The following CYP11B2 variants were observed in gnomAD, a reference collection of about 807,000 sequenced individuals.
The protein encoded by CYP11B2 is cytochrome P450 family 11 subfamily B member 2, also known as cytochrome P450 11B2, mitochondrial.
A neutral mutation model predicts 49.3 loss-of-function variants in CYP11B2; 38 were observed. The ratio of observed to expected loss-of-function variants is 0.77; its 90% confidence interval spans 0.59 to 1.01. The LOEUF (loss-of-function observed/expected upper bound fraction) is 1.01, where lower values mean the gene tolerates loss of function less well. CYP11B2 is among the 50% of genes least tolerant of loss of function. CYP11B2 has a pLI of 0.00. For missense variants in CYP11B2, 669 were observed against 655.5 expected, an observed-to-expected ratio of 1.02 and a Z score of -0.23; for synonymous variants, 290 against 269.3, an observed-to-expected ratio of 1.08 and a Z score of -0.75.
At position 142,913,365 on chromosome 8, in the gene CYP11B2, G is replaced by A. The variant is rs369251345; in HGVS notation, c.1041C>T (p.Ala347=). The part of the protein sequence containing the change: ...QQILRQESLA[A]AASISEHPQK... Reference sequence around the variant, plus strand: ...GGGGATGTTCACTGATGCTGGCTGCGGCGGCCAGGCTCTCCTGGCGCAGGA... The same window carrying A: ...GGGGATGTTCACTGATGCTGGCTGCAGCGGCCAGGCTCTCCTGGCGCAGGA... Residue 347 remains alanine, a synonymous_variant, in exon 6 of 9, where the codon GCC becomes GCT. Coordinates refer to ENST00000323110, the MANE Select transcript of CYP11B2 (RefSeq NM_000498.3). 3.2e-5 allele frequency: 52 copies of A among 1,613,940 alleles called. No homozygotes were observed. The African/African-American group carries it at 5.6e-4, about 17-fold the overall frequency.
chr8:142,915,220 G>C lies in CYP11B2; in HGVS notation c.421C>G (p.Arg141Gly). 1 of 1,613,802 alleles carries C rather than the reference G, an allele frequency of 6.2e-7. No individual in the cohort carries two copies. The highest frequency in any genetic ancestry group is 8.5e-7 in the Non-Finnish European group (1 of 1,179,910). Reference sequence around the variant, plus strand: ...AGCACATCTGGGTTCAGCCGCAATCGGTTGAAGCGCCATTCAGGCCCATTC... The same window carrying C: ...AGCACATCTGGGTTCAGCCGCAATCCGTTGAAGCGCCATTCAGGCCCATTC... ...LLNGPEWRFN[R>G]LRLNPDVLSP... The change falls in exon 3 of 9, where the codon CGA (arginine) becomes GGA (glycine). Residue 141 changes from arginine to glycine, a missense_variant. By Grantham distance (125) the Arg-to-Gly change is moderately radical. Transcript: ENST00000323110.
rs760453466 is a variant in CYP11B2, at chr8:142,917,598, T to C, written c.239+4A>G. The C allele has an allele frequency of 1.5e-5, 24 of 1,614,164 alleles. No homozygotes were observed. In the South Asian group the frequency reaches 2.6e-4, roughly 18 times the overall value. On this transcript the variant is annotated splice_donor_region_variant and intron_variant, in intron 1 of 8. Coordinates refer to ENST00000323110, the MANE Select transcript of CYP11B2 (RefSeq NM_000498.3). ...TTCCCAGCGAGGGCCAGGGAGGGCT[T>C]TACCTGAAAATGGGCCCCAGCTCCT...
rs1482137868 is a variant in CYP11B2, at chr8:142,913,576, T to A, written c.955-125A>T. On this transcript the variant is annotated intron_variant, in intron 5 of 8. Coordinates refer to ENST00000323110, the MANE Select transcript of CYP11B2 (RefSeq NM_000498.3). ...CATGCCCTGAGCAAAAACAGAGCCC[T>A]GGGACCCCGGATCTGAAACCTTGAT... 7 of 1,117,250 alleles carry A rather than the reference T, an allele frequency of 6.3e-6. No homozygotes were observed. In the African/African-American group the frequency reaches 9.3e-5, roughly 15 times the overall value. The allele number at this position is 1,117,250 out of a possible 1,614,324, so 69.2% of individuals were successfully genotyped here.
intron 4 of CYP11B2, 120 bp from the exon 5 acceptor site, chr8:142,914,538 G>A (rs1283334566): frequency 1.2e-5 from 17 of 1,429,458 alleles, no homozygotes; most frequent in South Asian, 2.5e-5. Flanking sequence ...CAAATTCTCC[G>A]GATCAGCCCA....
rs1817612722 is a variant in CYP11B2, at chr8:142,914,859, G to A, written c.645C>T (p.Ser215=). Residue 215 remains serine, a synonymous_variant, in exon 4 of 9, where the codon AGC becomes AGT. Coordinates refer to ENST00000323110, the MANE Select transcript of CYP11B2 (RefSeq NM_000498.3). ...GGAAGTTCAGGCTGGCAGAACTGGG[G>A]CTGTGGCCAACCAGGCCCAGCCGCT... The part of the protein sequence containing the change: ...FGERLGLVGH[S]PSSASLNFLH... The A allele has an allele frequency of 1.2e-6, 2 of 1,613,784 alleles. No homozygotes were observed. Among genetic ancestry groups the A allele is most frequent in the South Asian group, 1.1e-5 (1 of 91,054 alleles).
intron 5 of CYP11B2, among the ~76,000 whole-genome samples, chr8:142,913,760 G>C (rs1487967076): frequency 6.6e-6 from 1 of 152,190 alleles, no homozygotes. Flanking sequence ...TGGAGCCCCA[G>C]CTCCCTCTGC....
At position 142,917,688 on chromosome 8, in the gene CYP11B2, C is replaced by T. The variant is rs774555520; in HGVS notation, c.153G>A (p.Arg51=). Residue 51 remains arginine, a synonymous_variant, in exon 1 of 9, where the codon AGG becomes AGA. Transcript: ENST00000323110. ...CCTGCTCCCTCCAGATCTGCAGCAGCCTCAGCCACCTGTTGCCTGGATGCT... is the reference window on the plus strand; with the variant it reads ...CCTGCTCCCTCCAGATCTGCAGCAGTCTCAGCCACCTGTTGCCTGGATGCT... ...MPQHPGNRWL[R]LLQIWREQGY... 4 of 1,614,264 alleles carry T rather than the reference C, an allele frequency of 2.5e-6. No individual in the cohort carries two copies.
Position 142,911,982 on chromosome 8 carries a change from A to T in CYP11B2, c.1510T>A (p.Ter504LysextTer32), listed in dbSNP as rs1400970354. Residue 504 changes from the stop codon to lysine, a stop_lost, in exon 9 of 9, where the codon TAG (stop) becomes AAG (lysine). Transcript: ENST00000323110. ...GGACCCTGGGTGCAGATGCAAGACTAGTTAATCGCTCTGAAAGTGAGGAGG... is the reference window on the plus strand; with the variant it reads ...GGACCCTGGGTGCAGATGCAAGACTTGTTAATCGCTCTGAAAGTGAGGAGG... ...SPLLTFRAIN[*>K] The T allele has an allele frequency of 6.2e-7, 1 of 1,613,920 alleles. No homozygotes were observed. Among genetic ancestry groups the T allele is most frequent in the East Asian group, 2.2e-5 (1 of 44,856 alleles).
At chr8:142,913,187 C>T (rs1377037569) in intron 6 of CYP11B2, 98 bp downstream of exon 6, 15 of 1,342,010 alleles carry the variant, frequency 1.1e-5, no homozygotes, top group African/African-American at 1.4e-5. Context: ...TGCTGGGTGA[C>T]GCTGTTTATC....
chr8:142,917,532 G>A, intron 1 of CYP11B2, 70 bp downstream of exon 1: 1 of 1,613,550 alleles, frequency 6.2e-7, no homozygotes, highest in South Asian at 1.1e-5. Context: ...AGTGCTGAGT[G>A]CCTGGCAGGG....
intron 2 of CYP11B2, chr8:142,916,497 A>G (rs757736407): frequency 7.3e-5 from 33 of 451,386 alleles, no homozygotes; most frequent in Non-Finnish European, 1.2e-4. Flanking sequence ...CATCCTCCCC[A>G]GTGCCATCAA....
rs1302024420 is a variant in CYP11B2, at chr8:142,917,677, A to T, written c.164T>A (p.Ile55Asn). ...GTGCTCATAACCCTGCTCCCTCCAG[A>T]TCTGCAGCAGCCTCAGCCACCTGTT... ...PGNRWLRLLQ[I>N]WREQGYEHLH... The change falls in exon 1 of 9, where the codon ATC becomes AAC. Residue 55 changes from isoleucine (I) to asparagine (N), a missense_variant. Physicochemically the swap from Ile to Asn is moderately radical, Grantham distance 149. Transcript: ENST00000323110. 6.2e-7 allele frequency: 1 copy of T among 1,614,204 alleles called. No individual in the cohort carries two copies. The highest frequency in any genetic ancestry group is 8.5e-7 in the Non-Finnish European group (1 of 1,180,032).
intron 2 of CYP11B2, among the ~76,000 whole-genome samples, chr8:142,916,187 T>G (rs1285176936): frequency 6.6e-6 from 1 of 152,032 alleles, no homozygotes; most frequent in Admixed American, 6.5e-5. Flanking sequence ...GCGCTCCCCT[T>G]CCTTCCATTA....
At chr8:142,914,527 C>A in intron 4 of CYP11B2, 109 bp from the exon 5 acceptor site, 1 of 1,447,730 alleles carries the variant, frequency 6.9e-7, no homozygotes, top group Non-Finnish European at 9.5e-7. Flanking sequence ...TGCTCTCATC[C>A]CAAATTCTCC....
At chr8:142,912,784 C>T (rs1390787121) in intron 7 of CYP11B2, 23 bp downstream of exon 7, 10 of 1,613,612 alleles carry the variant, frequency 6.2e-6, no homozygotes, top group Admixed American at 5.0e-5. Flanking sequence ...GTTCTCAGCT[C>T]GAGGGGTGTG....
chr8:142,912,396 G>T, intron 8 of CYP11B2, 134 bp downstream of exon 8: 1 of 1,038,622 alleles, frequency 9.6e-7, no homozygotes, highest in African/African-American at 1.6e-5. Context: ...ATCCTCCCTG[G>T]TCACGCCGAC....
intron 8 of CYP11B2, 30 bp downstream of exon 8, chr8:142,912,500 G>GGGGGC: frequency 1.3e-6 from 2 of 1,582,308 alleles, no homozygotes; most frequent in South Asian, 1.1e-5. Context: ...CTGCTGCCCA[G>GGGGGC]GTCCCGCCCC....
At chr8:142,912,358 A>G (rs1035099790) in intron 8 of CYP11B2, among the ~76,000 whole-genome samples, 172 bp downstream of exon 8, 34 of 152,012 alleles carry the variant, frequency 2.2e-4, no homozygotes, top group Non-Finnish European at 2.9e-5. Context: ...AGCCTCACCC[A>G]GATCCTACCC....
In CYP11B2 at chr8:142,912,613, G is replaced by A. The variant is rs370517494; in HGVS notation, c.1315C>T (p.His439Tyr). The A allele has an allele frequency of 7.1e-5, 115 of 1,614,102 alleles. No individual in the cohort carries two copies. Among genetic ancestry groups the A allele is most frequent in the Middle Eastern group, 1.6e-4 (1 of 6,084 alleles). The change falls in exon 8 of 9, where the codon CAC becomes TAC. Residue 439 changes from histidine (H) to tyrosine (Y), a missense_variant. Coordinates refer to ENST00000323110, the MANE Select transcript of CYP11B2 (RefSeq NM_000498.3). ...ATGCCAAAGCCAAAGGGCACGTGGT[G>A]GAAGTTCCTGCCGGAGCCCCTGATG... is the stretch of plus-strand genomic sequence containing the variant. The part of the protein sequence containing the change: ...LDIRGSGRNF[H>Y]HVPFGFGMRQ...
Sources: allele counts gnomAD v4.1 joint callset (sites outside exome capture counted in the v4.1 genomes callset), GRCh38; gene constraint gnomAD v4.1.1; transcripts MANE v1.5; gene names NCBI Gene and HGNC (gene_info 2026-07-23, HGNC 2026-07-21).